The following STRBP variants were observed in gnomAD, a reference collection of about 807,000 sequenced individuals.
The protein encoded by STRBP is spermatid perinuclear RNA-binding protein.
Under a neutral mutation model 80.1 loss-of-function variants are expected in STRBP, and 13 were observed. The ratio of observed to expected loss-of-function variants is 0.16; its 90% confidence interval spans 0.11 to 0.26. The LOEUF is 0.26. Ranked by LOEUF, STRBP falls within the 10% of genes least tolerant of loss-of-function variation. The probability of loss-of-function intolerance (pLI) is 1.00; values close to 1 mark genes in which losing one functional copy is unlikely to be tolerated. For synonymous variants in STRBP, 284 were observed against 291.2 expected, an observed-to-expected ratio of 0.98 and a Z score of 0.25; for missense variants, 485 against 815.2, an observed-to-expected ratio of 0.59 and a Z score of 4.93.
intron 1 of STRBP, among the ~76,000 whole-genome samples, chr9:123,261,000 ACT>A (rs1462334337): frequency 5.9e-5 from 9 of 152,200 alleles, no homozygotes; most frequent in African/African-American, 1.9e-4. Flanking sequence ...CTTCAATATA[ACT>A]CTGTAAATTA....
rs10985890 is a variant in STRBP at position 123,121,773 on chromosome 9, C to T, written c.*3824G>A. 28,025 of 152,142 alleles carry T rather than the reference C, an allele frequency of 0.18. 5,202 individuals are homozygous for T. Among genetic ancestry groups the T allele is most frequent in the African/African-American group, 0.48 (20,047 of 41,404 alleles). 9.4% of individuals were successfully genotyped at this position (152,142 alleles called of 1,614,324 possible). The stretch of plus-strand genomic sequence containing the variant: ...TCCTCAGCTTGTGTAACAGCTTACA[C>T]ATACAGATCCTACCAGCACTATTAC... On this transcript the variant is annotated 3_prime_UTR_variant, in exon 19 of 19. Transcript: ENST00000348403.
At chr9:123,200,080 C>G (rs1382642501) in intron 2 of STRBP, among the ~76,000 whole-genome samples, 1 of 152,122 alleles carries the variant, frequency 6.6e-6, no homozygotes, top group East Asian at 1.9e-4. Context: ...CAGTTTTTAT[C>G]ATAAAGTGTG....
At chr9:123,152,512 C>T (rs1271976120) in intron 11 of STRBP, among the ~76,000 whole-genome samples, 1 of 152,024 alleles carries the variant, frequency 6.6e-6, no homozygotes, top group African/African-American at 2.4e-5. Context: ...TAAATAAACT[C>T]TAGCTCATTC....
rs1303261950 is a variant in STRBP at position 123,122,882 on chromosome 9, G to A, written c.*2715C>T. The A allele has an allele frequency of 1.9e-5, 19 of 985,436 alleles. No homozygotes were observed. Among genetic ancestry groups the A allele is most frequent in the Admixed American group, 6.1e-5 (1 of 16,276 alleles). 61.0% of individuals were successfully genotyped at this position (985,436 alleles called of 1,614,324 possible). On this transcript the variant is annotated 3_prime_UTR_variant, in exon 19 of 19. Transcript: ENST00000348403. Reference sequence around the variant, plus strand: ...CACTGACCTGTAAACTCCCTGACAAGAAACTATGCTAAAAAGGGGTTAAGT... The same window carrying A: ...CACTGACCTGTAAACTCCCTGACAAAAAACTATGCTAAAAAGGGGTTAAGT...
At chr9:123,262,171 A>T (rs753460535) in intron 1 of STRBP, among the ~76,000 whole-genome samples, 25 of 152,242 alleles carry the variant, frequency 1.6e-4, no homozygotes, top group Non-Finnish European at 4.4e-5. Context: ...ATTGAAGCAT[A>T]CTAAGAAATC....
At chr9:123,238,971 T>C (rs771472955) in intron 1 of STRBP, among the ~76,000 whole-genome samples, 43 of 152,242 alleles carry the variant, frequency 2.8e-4, no homozygotes, top group Admixed American at 4.6e-4. Context: ...TACAAAAGTT[T>C]CAGAATGAGA....
In STRBP at chr9:123,170,035, T is replaced by A; in HGVS notation, c.402A>T (p.Glu134Asp). The change falls in exon 6 of 19, where the codon GAA (glutamate) becomes GAT (aspartate). Residue 134 changes from glutamate to aspartate, a missense_variant. Physicochemically the swap from Glu to Asp is conservative, Grantham distance 45. This residue lies in a region of STRBP where 377 missense variants were observed against 616.1 expected (regional missense o/e 0.61). Transcript: ENST00000348403. ...NLPIQIQKLT[E>D]EKYQVEQCVN... ...CACATTGTTCCACTTGATATTTCTC[T>A]TCTGTGAGTTTCTGAAAGTCACCAA... is the stretch of plus-strand genomic sequence containing the variant. The A allele has an allele frequency of 6.2e-7, 1 of 1,600,854 alleles. No homozygotes were observed. The highest frequency in any genetic ancestry group is 1.1e-5 in the South Asian group (1 of 87,666).
downstream of STRBP, among the ~76,000 whole-genome samples, chr9:123,118,721 G>C (rs768828111): frequency 3.3e-5 from 5 of 152,204 alleles, no homozygotes; most frequent in Non-Finnish European, 7.3e-5. Context: ...GTAACACTCA[G>C]TCCTTGTCTA....
chr9:123,200,762 T>A (rs371160717), intron 2 of STRBP, among the ~76,000 whole-genome samples: 114 of 133,532 alleles, frequency 8.5e-4, no homozygotes, highest in African/African-American at 3.2e-3. Context: ...TTTTTTTTTT[T>A]AGTAGAGACC....
intron 2 of STRBP, among the ~76,000 whole-genome samples, chr9:123,214,145 T>TACAC (rs138090782): frequency 0.032 from 4,536 of 141,406 alleles, 159 homozygotes; most frequent in African/African-American, 0.085. Flanking sequence ...TATATATGTA[T>TACAC]ACACACACAC....
At chr9:123,111,764 C>G (rs1588428895) in intron 3 of STRBP, 1 of 374,532 alleles carries the variant, frequency 2.7e-6, no homozygotes, top group East Asian at 1.0e-4. Flanking sequence ...CCAGAAACTT[C>G]ACTAGACAAT....
At chr9:123,154,884 A>T (rs543653977) in intron 11 of STRBP, among the ~76,000 whole-genome samples, 97 of 152,384 alleles carry the variant, frequency 6.4e-4, no homozygotes, top group African/African-American at 2.3e-3. Context: ...CTGTTGCAGG[A>T]CCTACAGAAT....
At chr9:123,155,624 G>A (rs2037250551) in intron 11 of STRBP, among the ~76,000 whole-genome samples, 1 of 152,082 alleles carries the variant, frequency 6.6e-6, no homozygotes, top group African/African-American at 2.4e-5. Context: ...TGAAATAAGG[G>A]TAGGAGACAC....
chr9:123,145,100 A>C (rs150029885), intron 13 of STRBP, among the ~76,000 whole-genome samples: 96 of 152,328 alleles, frequency 6.3e-4, no homozygotes, highest in African/African-American at 2.1e-3. Flanking sequence ...AAGGTAAATA[A>C]AAGTAAGAAG....
At position 123,161,185 on chromosome 9, in the gene STRBP, C is replaced by T; in HGVS notation, c.536-117G>A. ...AGCATTTGAGTGAACTAATAAGACT[C>T]CCAGAAAATTTCCTCATTTGGCTGT... On this transcript the variant is annotated intron_variant, in intron 6 of 18. Transcript: ENST00000348403. 5.2e-6 allele frequency: 4 copies of T among 768,032 alleles called. No individual in the cohort carries two copies. In the South Asian group the frequency reaches 8.1e-5, roughly 16 times the overall value. 47.6% of individuals were successfully genotyped at this position (768,032 alleles called of 1,614,324 possible).
intron 1 of STRBP, among the ~76,000 whole-genome samples, chr9:123,248,169 A>G (rs189350203): frequency 2.0e-5 from 3 of 152,194 alleles, no homozygotes; most frequent in Admixed American, 6.5e-5. Context: ...TGCAAATAAC[A>G]TAATACTCAA....
At chr9:123,227,366 A>G (rs1391496021) in intron 2 of STRBP, among the ~76,000 whole-genome samples, 2 of 152,096 alleles carry the variant, frequency 1.3e-5, no homozygotes, top group African/African-American at 2.4e-5. Flanking sequence ...AGTCTAACAC[A>G]CACCTGTTTG....
chr9:123,259,045 C>T (rs1216496477), intron 1 of STRBP, among the ~76,000 whole-genome samples: 1 of 126,374 alleles, frequency 7.9e-6, no homozygotes, highest in Non-Finnish European at 1.6e-5. Context: ...TAAGAATAGA[C>T]TATAAGGAGG....
At chr9:123,197,667 CTTTTTTTTTTTTTT>C (rs71388358) in intron 2 of STRBP, among the ~76,000 whole-genome samples, 1 of 87,364 alleles carries the variant, frequency 1.1e-5, no homozygotes, top group Admixed American at 1.8e-4. Flanking sequence ...AAACATATTT[CTTTTTTTTTTTTTT>C]TTTTTTTTTT....
Sources: allele counts gnomAD v4.1 joint callset (sites outside exome capture counted in the v4.1 genomes callset), GRCh38; gene constraint gnomAD v4.1.1; regional missense constraint gnomAD v4.1.1; transcripts MANE v1.5; gene names NCBI Gene and HGNC (gene_info 2026-07-23, HGNC 2026-07-21).